CDH23: variants seen among roughly 807,000 people sequenced by gnomAD.
CDH23 encodes cadherin-23.
CDH23 carries 189 observed loss-of-function variants against 317.1 expected under a neutral mutation model. The ratio of observed to expected loss-of-function variants is 0.60; its 90% CI spans 0.53 to 0.67. CDH23 has a LOEUF of 0.67. Ranked by LOEUF, CDH23 falls within the 30% of genes least tolerant of loss-of-function variation. CDH23 has a pLI of 0.00. For synonymous variants in CDH23, 1,839 were observed against 1,876.8 expected, an observed-to-expected ratio of 0.98 and a Z score of 0.52; for missense variants, 4,401 against 4,592.4, an observed-to-expected ratio of 0.96 and a Z score of 1.20.
At chr10:71,506,116 G>A (rs1853619895) in intron 3 of CDH23, among the ~76,000 whole-genome samples, 1 of 152,224 alleles carries the variant, frequency 6.6e-6, no homozygotes, top group Admixed American at 6.5e-5. Context: ...ATTTGGCTAA[G>A]TGAAAGAGGT....
At chr10:71,528,382 G>A (rs1855162770) in intron 6 of CDH23, among the ~76,000 whole-genome samples, 1 of 152,184 alleles carries the variant, frequency 6.6e-6, no homozygotes, top group Non-Finnish European at 1.5e-5. Context: ...CAGGACCTCA[G>A]TGCCCCCTCG....
At position 71,646,617 on chromosome 10, in the gene CDH23, G is replaced by C. The variant is rs368830397; in HGVS notation, c.1449G>C (p.Leu483=). The stretch of plus-strand genomic sequence containing the variant: ...TGGGGACCTCTGTGCTGACAGTCCT[G>C]GTGAGTCCCCGCTTCACTGCAGGGC... ...VTVGTSVLTV[L]ATDNDAGTFG... is the part of the protein sequence containing the mutation. The change falls in exon 14 of 70, where the codon CTG becomes CTC. Residue 483 remains leucine, a splice_region_variant and synonymous_variant. Transcript: ENST00000224721. 6 of 1,613,854 alleles carry C rather than the reference G, an allele frequency of 3.7e-6. No homozygotes were observed. The African/African-American group carries it at 8.0e-5, about 22-fold the overall frequency.
intron 6 of CDH23, among the ~76,000 whole-genome samples, chr10:71,517,772 C>T (rs533928714): frequency 6.6e-6 from 1 of 152,338 alleles, no homozygotes; most frequent in Non-Finnish European, 1.5e-5. Flanking sequence ...AATAAATCAT[C>T]GCAGGGGCTC....
intron 6 of CDH23, among the ~76,000 whole-genome samples, chr10:71,514,966 C>T (rs1383105625): frequency 1.3e-5 from 2 of 152,322 alleles, no homozygotes; most frequent in South Asian, 2.1e-4. Context: ...CCAGTACCTC[C>T]GTTAGGGGCG....
At chr10:71,668,775 A>G (rs2132650939) in intron 14 of CDH23, among the ~76,000 whole-genome samples, 1 of 152,354 alleles carries the variant, frequency 6.6e-6, no homozygotes, top group South Asian at 2.1e-4. Context: ...CACCAGTCCA[A>G]GCATGTAGCA....
At chr10:71,799,014 AGCT>A in intron 50 of CDH23, 94 bp from the exon 51 acceptor site, 2 of 1,212,836 alleles carry the variant, frequency 1.6e-6, no homozygotes, top group Non-Finnish European at 2.3e-6. Flanking sequence ...AAGTGACCAC[AGCT>A]GCCCCTCGGA....
At chr10:71,445,678 T>C (rs1175238168) in intron 2 of CDH23, among the ~76,000 whole-genome samples, 1 of 151,922 alleles carries the variant, frequency 6.6e-6, no homozygotes, top group Non-Finnish European at 1.5e-5. Context: ...CCCCACTGCA[T>C]CTATACAAAA....
Position 71,812,030 on chromosome 10 carries a change from G to A in CDH23, c.9380+15G>A. On this transcript the variant is annotated intron_variant, in intron 66 of 69. Coordinates refer to ENST00000224721, the MANE Select transcript of CDH23 (RefSeq NM_022124.6). ...TCCTTTGATGGGTGAGTGGGGTACT[G>A]GCCCTGCCCGGTCCCCTGCGGGGAG... The A allele has an allele frequency of 6.2e-7, 1 of 1,613,900 alleles. No homozygotes were observed. Among genetic ancestry groups the A allele is most frequent in the Non-Finnish European group, 8.5e-7 (1 of 1,179,858 alleles).
intron 3 of CDH23, among the ~76,000 whole-genome samples, chr10:71,496,818 T>C (rs1852999742): frequency 9.4e-6 from 1 of 105,850 alleles, no homozygotes; most frequent in Non-Finnish European, 2.3e-5. Flanking sequence ...CTGATGTATG[T>C]GGTCTGGTGT....
intron 28 of CDH23, chr10:71,714,093 T>G (rs1231362997): frequency 6.6e-6 from 1 of 152,140 alleles, no homozygotes; most frequent in Non-Finnish European, 1.5e-5. Context: ...ATGCAGCGTC[T>G]CAGGATGACT....
At chr10:71,724,458 G>T (rs1445476793) in intron 29 of CDH23, among the ~76,000 whole-genome samples, 4 of 152,164 alleles carry the variant, frequency 2.6e-5, no homozygotes, top group Non-Finnish European at 5.9e-5. Flanking sequence ...GACTACAGGC[G>T]CATGCCTGTA....
intron 14 of CDH23, among the ~76,000 whole-genome samples, chr10:71,663,391 C>T (rs561185448): frequency 4.9e-4 from 74 of 152,348 alleles, no homozygotes; most frequent in African/African-American, 1.7e-3. Flanking sequence ...CCGGGAATGC[C>T]GTCTCCCCTG....
rs571045302 is a variant in CDH23 at position 71,510,187 on chromosome 10, C to T, written c.251C>T (p.Thr84Ile). ...CGCTTCTTTGCAGTGGAGCCTGACA[C>T]TGGCGTGGTGTGGCTCCGGCAGCCA... The part of the protein sequence containing the change: ...ASRFFAVEPD[T>I]GVVWLRQPLD... The change falls in exon 4 of 70, where the codon ACT (threonine) becomes ATT (isoleucine). Residue 84 changes from threonine to isoleucine, a missense_variant. By Grantham distance (89) the Thr-to-Ile change is moderately conservative. Coordinates refer to ENST00000224721, the MANE Select transcript of CDH23 (RefSeq NM_022124.6). The T allele has an allele frequency of 6.2e-7, 1 of 1,613,972 alleles. No homozygotes were observed. Among genetic ancestry groups the T allele is most frequent in the Non-Finnish European group, 8.5e-7 (1 of 1,179,884 alleles).
intron 6 of CDH23, among the ~76,000 whole-genome samples, chr10:71,553,519 GC>G (rs1856713625): frequency 6.6e-6 from 1 of 152,192 alleles, no homozygotes. Context: ...CCAGGCCTCT[GC>G]TGCCCCCTTC....
rs1840894207 is a variant in CDH23, at chr10:71,779,326, G to A, written c.5247G>A (p.Glu1749=). The A allele has an allele frequency of 1.2e-6, 2 of 1,614,036 alleles. No individual in the cohort carries two copies. The highest frequency in any genetic ancestry group is 1.7e-6 in the Non-Finnish European group (2 of 1,179,892). ...DNVPTFPRDY[E]GPFEVTEGQP... ...TGCCTACCTTCCCCCGGGACTATGA[G>A]GGACCATTTGAAGTCACTGAGGGCC... Residue 1749 remains glutamate (E), a synonymous_variant, in exon 41 of 70, where the codon GAG becomes GAA. Coordinates refer to ENST00000224721, the MANE Select transcript of CDH23 (RefSeq NM_022124.6).
At chr10:71,774,790 T>C (rs1840779566) in intron 38 of CDH23, among the ~76,000 whole-genome samples, 1 of 152,152 alleles carries the variant, frequency 6.6e-6, no homozygotes, top group Admixed American at 6.5e-5. Context: ...AATAGGTGAC[T>C]CCTAGGCTGA....
chr10:71,746,504 C>CG (rs1457051421), intron 38 of CDH23, among the ~76,000 whole-genome samples: 1 of 152,194 alleles, frequency 6.6e-6, no homozygotes, highest in African/African-American at 2.4e-5. Flanking sequence ...TGCCACTGGC[C>CG]GGGGGAGTCA....
At chr10:71,458,315 A>T (rs1850799039) in intron 3 of CDH23, among the ~76,000 whole-genome samples, 1 of 152,198 alleles carries the variant, frequency 6.6e-6, no homozygotes, top group Admixed American at 6.5e-5. Context: ...CCCCTCACCC[A>T]TGTGCCTTCC....
chr10:71,762,825 G>A (rs1208630814), intron 38 of CDH23, among the ~76,000 whole-genome samples: 6 of 152,204 alleles, frequency 3.9e-5, no homozygotes, highest in African/African-American at 7.2e-5. Flanking sequence ...ATCCATGCAC[G>A]TCCTTCCAGC....
Sources: gnomAD v4.1 joint callset for allele counts (sites outside exome capture counted in the v4.1 genomes callset) on GRCh38, gnomAD v4.1.1 for gene constraint, MANE v1.5 for transcripts, NCBI Gene and HGNC (gene_info 2026-07-23, HGNC 2026-07-21) for gene names.